The following POFUT2 variants were observed in gnomAD, a reference collection of about 807,000 sequenced individuals.
POFUT2 encodes GDP-fucose protein O-fucosyltransferase 2.
A neutral mutation model predicts 55.0 loss-of-function variants in POFUT2; 30 were observed. That is an observed-to-expected ratio of 0.55 (90% CI 0.41 to 0.74). POFUT2 has a LOEUF of 0.74. Among genes scored for constraint, POFUT2 ranks in the 30% least tolerant of loss-of-function variants. The pLI, the probability that POFUT2 is intolerant of heterozygous loss-of-function variation, is 0.00. For missense variants in POFUT2, 524 were observed against 562.6 expected (o/e 0.93, Z 0.69); for synonymous variants, 267 against 231.1 (o/e 1.16, Z -1.41).
Position 45,277,522 on chromosome 21 carries a change from G to A in POFUT2, c.706-380C>T, listed in dbSNP as rs2029936007. Reference sequence around the variant, plus strand: ...CACATCCTGCTTTGCCAAACGGGGTGGGACTGACCTGCACAAAGTCCCACG... The same window carrying A: ...CACATCCTGCTTTGCCAAACGGGGTAGGACTGACCTGCACAAAGTCCCACG... On this transcript the variant is annotated intron_variant, in intron 5 of 8. Transcript: ENST00000349485. This position sits in a 1 kb window ranked among gnomAD's most constrained non-coding sequence, Gnocchi z 6.9. 1 of 285,492 alleles carries A rather than the reference G, an allele frequency of 3.5e-6. No homozygotes were observed. The highest frequency in any genetic ancestry group is 3.7e-5 in the South Asian group (1 of 27,012). The allele number at this position is 285,492 out of a possible 1,614,324, so 17.7% of individuals were successfully genotyped here.
In POFUT2 at chr21:45,264,721, GC is replaced by G. The variant is rs1418057216; in HGVS notation, c.*760del. 6.7e-6 allele frequency: 1 copy of G among 149,812 alleles called. No homozygotes were observed. The highest frequency in any genetic ancestry group is 2.5e-5 in the African/African-American group (1 of 40,576). 9.3% of individuals were successfully genotyped at this position (149,812 alleles called of 1,614,324 possible). Reference sequence around the variant, plus strand: ...GGGCAGTCGGGGCGAGGGAGGGGTGGCCAGTGGGGGCGAGGGTGGGTGGCCA... The same window carrying G: ...GGGCAGTCGGGGCGAGGGAGGGGTGGCAGTGGGGGCGAGGGTGGGTGGCCA... On this transcript the variant is annotated 3_prime_UTR_variant, in exon 9 of 9. Coordinates refer to ENST00000349485, the MANE Select transcript of POFUT2 (RefSeq NM_133635.6).
At position 45,267,273 on chromosome 21, in the gene POFUT2, G is replaced by A; in HGVS notation, c.1136+317C>T. The A allele has an allele frequency of 1.4e-6, 2 of 1,443,800 alleles. No homozygotes were observed. Among genetic ancestry groups the A allele is most frequent in the South Asian group, 1.5e-5 (1 of 67,462 alleles). 89.4% of individuals were successfully genotyped at this position (1,443,800 alleles called of 1,614,324 possible). On this transcript the variant is annotated intron_variant, in intron 8 of 8. Transcript: ENST00000349485. The surrounding 1 kb of genome is among the most constrained non-coding windows in gnomAD (Gnocchi z 4.4). ...GGCACGGGCAACTCTCAGGGCAGGG[G>A]GCAGACAGGGGCAGAAACCGGGAAT...
chr21:45,278,132 C>T lies in POFUT2; in HGVS notation c.676G>A (p.Asp226Asn), dbSNP rs560306914. ...CAGTATTCTTTCCCTCCATAGTGGT[C>T]GTGAAGTAGGTTCTCGGCTCTGTCT... ...MLDRAENLLH[D>N]HYGGKEYWDT... Residue 226 changes from aspartate to asparagine, a missense_variant, in exon 5 of 9, where the codon GAC (aspartate) becomes AAC (asparagine). By Grantham distance (23) the Asp-to-Asn change is conservative. Around this residue, in one of 2 missense-constraint regions of POFUT2, gnomAD observed 250 missense variants for 318.2 expected, o/e 0.79. Transcript: ENST00000349485. The T allele has an allele frequency of 5.6e-6, 9 of 1,613,908 alleles. No individual in the cohort carries two copies. Among genetic ancestry groups the T allele is most frequent in the South Asian group, 4.4e-5 (4 of 91,072 alleles).
rs555126978 is a variant in POFUT2 at position 45,272,379 on chromosome 21, C to CT, written c.832-2361dup. Among the ~76,000 whole-genome samples, 158 of 152,250 alleles carry CT rather than the reference C, an allele frequency of 1.0e-3. 1 individual carries two copies. Among genetic ancestry groups the CT allele is most frequent in the South Asian group, 2.5e-3 (12 of 4,826 alleles). On this transcript the variant is annotated intron_variant, in intron 6 of 8. Transcript: ENST00000349485. The stretch of plus-strand genomic sequence containing the variant: ...GCCACAATCCTAATTATACATGCAC[C>CT]TAACACTGGAGCTACCAAATTTATA...
At chr21:45,278,610 A>G (rs889315025) in intron 4 of POFUT2, among the ~76,000 whole-genome samples, 1 of 152,208 alleles carries the variant, frequency 6.6e-6, no homozygotes, top group Non-Finnish European at 1.5e-5. Flanking sequence ...CCGGAGCTGC[A>G]TCTGTTCCGT....
Position 45,270,223 on chromosome 21 carries a change from A to G in POFUT2, c.832-204T>C. The stretch of plus-strand genomic sequence containing the variant: ...CTAAGAAGACAGTGAAGCAGTATTA[A>G]TTACCAGAAATCATTTTATCTGAGG... On this transcript the variant is annotated intron_variant, in intron 6 of 8. Transcript: ENST00000349485. This position sits in a 1 kb window ranked among gnomAD's most constrained non-coding sequence, Gnocchi z 4.6. 1 of 404,040 alleles carries G rather than the reference A, an allele frequency of 2.5e-6. No individual in the cohort carries two copies. The highest frequency in any genetic ancestry group is 4.3e-6 in the Non-Finnish European group (1 of 230,716). The allele number at this position is 404,040 out of a possible 1,614,324, so 25.0% of individuals were successfully genotyped here.
At chr21:45,283,308 C>CAG in intron 3 of POFUT2, 75 bp downstream of exon 3, 1 of 442,168 alleles carries the variant, frequency 2.3e-6, no homozygotes, top group Non-Finnish European at 3.3e-6. Context: ...GCGCCTGAGG[C>CAG]GGGGGGGGGG....
intron 6 of POFUT2, among the ~76,000 whole-genome samples, chr21:45,271,971 A>G (rs927293830): frequency 6.6e-6 from 1 of 152,240 alleles, no homozygotes; most frequent in African/African-American, 2.4e-5. Flanking sequence ...CACAGGGCAT[A>G]TAAAACAACG....
intron 6 of POFUT2, among the ~76,000 whole-genome samples, chr21:45,273,936 T>G (rs529083561): frequency 3.6e-4 from 55 of 152,266 alleles, no homozygotes; most frequent in African/African-American, 1.2e-3. Flanking sequence ...ACCACTTCTA[T>G]TCAACATAGT....
At chr21:45,279,183 A>T (rs141775504) in intron 4 of POFUT2, among the ~76,000 whole-genome samples, 2 of 152,012 alleles carry the variant, frequency 1.3e-5, no homozygotes, top group South Asian at 2.1e-4. Context: ...CGAGGTCAGG[A>T]GATCGAGACC....
rs1307911218 is a variant in POFUT2 at position 45,281,291 on chromosome 21, C to T, written c.638+1058G>A. On this transcript the variant is annotated intron_variant, in intron 4 of 8. Transcript: ENST00000349485. This position sits in a 1 kb window ranked among gnomAD's most constrained non-coding sequence, Gnocchi z 5.0. ...TGACTGGCAAGACTGTTCCACAGGC[C>T]CCAAACGTAGGCAGACTGGCTTCCA... Among the ~76,000 whole-genome samples, 1 of 152,162 alleles carries T rather than the reference C, an allele frequency of 6.6e-6. No homozygotes were observed.
intron 4 of POFUT2, among the ~76,000 whole-genome samples, 191 bp from the exon 5 acceptor site, chr21:45,278,360 G>C (rs559096147): frequency 6.6e-6 from 1 of 152,292 alleles, no homozygotes; most frequent in Non-Finnish European, 1.5e-5. Flanking sequence ...TCCACACCAC[G>C]GTTCTGAGAG....
At position 45,281,880 on chromosome 21, in the gene POFUT2, G is replaced by T. The variant is rs1014001563; in HGVS notation, c.638+469C>A. On this transcript the variant is annotated intron_variant, in intron 4 of 8. Transcript: ENST00000349485. The surrounding 1 kb of genome is among the most constrained non-coding windows in gnomAD (Gnocchi z 5.0). Reference sequence around the variant, plus strand: ...CTCCTGGGTGGACCCTCGAGGCCCAGCTCACCAGGCCGGCGACCACTTGAG... The same window carrying T: ...CTCCTGGGTGGACCCTCGAGGCCCATCTCACCAGGCCGGCGACCACTTGAG... 6.6e-6 allele frequency among the ~76,000 whole-genome samples: 1 copy of T among 152,102 alleles called. No individual in the cohort carries two copies. Among genetic ancestry groups the T allele is most frequent in the Non-Finnish European group, 1.5e-5 (1 of 68,014 alleles).
At chr21:45,266,919 G>T in intron 8 of POFUT2, 2 of 1,024,428 alleles carry the variant, frequency 2.0e-6, no homozygotes, top group Non-Finnish European at 2.3e-6. Flanking sequence ...CTCCTATGCA[G>T]ATGGGCAGGC....
intron 8 of POFUT2, chr21:45,266,597 C>T: frequency 9.4e-7 from 1 of 1,059,058 alleles, no homozygotes; most frequent in Admixed American, 4.8e-5. Context: ...TGGGCTCCTG[C>T]ACACCTCCGC....
Position 45,282,263 on chromosome 21 carries a change from A to G in POFUT2, c.638+86T>C. On this transcript the variant is annotated intron_variant, in intron 4 of 8. Transcript: ENST00000349485. This position sits in a 1 kb window ranked among gnomAD's most constrained non-coding sequence, Gnocchi z 4.6. Reference sequence around the variant, plus strand: ...GAGGTGGGTGGGCCAGGGATGCGGGAGTATGGGCGGAGAGCCCCCAGCCCA... The same window carrying G: ...GAGGTGGGTGGGCCAGGGATGCGGGGGTATGGGCGGAGAGCCCCCAGCCCA... 4.6e-6 allele frequency: 4 copies of G among 870,450 alleles called. No homozygotes were observed. Among genetic ancestry groups the G allele is most frequent in the Non-Finnish European group, 7.5e-6 (4 of 530,772 alleles). The allele number at this position is 870,450 out of a possible 1,614,324, so 53.9% of individuals were successfully genotyped here. A position where few individuals can be genotyped will look rare whatever the true frequency, so the allele number is the denominator to read the frequency against.
rs904633114 is a variant in POFUT2 at position 45,277,924 on chromosome 21, C to T, written c.705+179G>A. Among the ~76,000 whole-genome samples, 1 of 152,196 alleles carries T rather than the reference C, an allele frequency of 6.6e-6. No individual in the cohort carries two copies. Among genetic ancestry groups the T allele is most frequent in the African/African-American group, 2.4e-5 (1 of 41,454 alleles). The stretch of plus-strand genomic sequence containing the variant: ...CCTGCGGGCTCCCGAGGACCTGGCT[C>T]TGCAGCCACGTGAGGCTTGGGGGTG... On this transcript the variant is annotated intron_variant, in intron 5 of 8. Coordinates refer to ENST00000349485, the MANE Select transcript of POFUT2 (RefSeq NM_133635.6). The surrounding 1 kb of genome is among the most constrained non-coding windows in gnomAD (Gnocchi z 6.9).
In POFUT2 at chr21:45,281,741, A is replaced by G. The variant is rs2030668801; in HGVS notation, c.638+608T>C. On this transcript the variant is annotated intron_variant, in intron 4 of 8. Coordinates refer to ENST00000349485, the MANE Select transcript of POFUT2 (RefSeq NM_133635.6). The surrounding 1 kb of genome is among the most constrained non-coding windows in gnomAD (Gnocchi z 5.0). ...GCCTGCTGGGGGATTCAGAAGACCC[A>G]AGGGAGGTGACGGAGAGGGTCCCAG... is the stretch of plus-strand genomic sequence containing the variant. 6.6e-6 allele frequency among the ~76,000 whole-genome samples: 1 copy of G among 152,062 alleles called. No homozygotes were observed. The highest frequency in any genetic ancestry group is 1.5e-5 in the Non-Finnish European group (1 of 68,006).
Position 45,268,850 on chromosome 21 carries a change from G to A in POFUT2, c.1012+989C>T, listed in dbSNP as rs1482800946. On this transcript the variant is annotated intron_variant, in intron 7 of 8. Coordinates refer to ENST00000349485, the MANE Select transcript of POFUT2 (RefSeq NM_133635.6). Reference sequence around the variant, plus strand: ...CTCCGCCCGGCCAGCCGCCCCGTCCGGGAGGGAGGTGGGGGGGTCAGCACC... The same window carrying A: ...CTCCGCCCGGCCAGCCGCCCCGTCCAGGAGGGAGGTGGGGGGGTCAGCACC... Among the ~76,000 whole-genome samples, 77 of 109,220 alleles carry A rather than the reference G, an allele frequency of 7.0e-4. 3 individuals carry two copies. The highest frequency in any genetic ancestry group is 2.5e-3 in the South Asian group (7 of 2,770). The allele number at this position is 109,220 out of a possible 152,430, so 71.7% of individuals were successfully genotyped here.
Sources: allele counts gnomAD v4.1 joint callset (sites outside exome capture counted in the v4.1 genomes callset), GRCh38; gene constraint gnomAD v4.1.1; regional missense constraint gnomAD v4.1.1; non-coding constraint Gnocchi (gnomAD v3.1); transcripts MANE v1.5; gene names NCBI Gene and HGNC (gene_info 2026-07-23, HGNC 2026-07-21).